RHOT2: variants seen among roughly 807,000 people sequenced by gnomAD.
RHOT2 encodes ras homolog family member T2.
RHOT2 carries 90 observed loss-of-function variants against 81.6 expected under a neutral mutation model. That is an observed-to-expected ratio of 1.10 (90% CI 0.93 to 1.31). The LOEUF (loss-of-function observed/expected upper bound fraction) is 1.31. Among genes scored for constraint, RHOT2 ranks in the 40% most tolerant of loss-of-function variants. The probability of loss-of-function intolerance (pLI) is 0.00; values close to 1 mark genes in which losing one functional copy is unlikely to be tolerated. For synonymous variants in RHOT2, 512 were observed against 370.9 expected, an observed-to-expected ratio of 1.38 and a Z score of -4.37; for missense variants, 1,014 against 841.9, an observed-to-expected ratio of 1.20 and a Z score of -2.53.
At chr16:672,426 G>A (rs752471933) in intron 15 of RHOT2, 42 bp downstream of exon 15, 72 of 1,608,420 alleles carry the variant, frequency 4.5e-5, no homozygotes, top group Non-Finnish European at 5.7e-5. Flanking sequence ...GGGCTCCAGG[G>A]GCAGGGCAGG....
At position 671,688 on chromosome 16, in the gene RHOT2, T is replaced by TC. The variant is rs1418040082; in HGVS notation, c.870-6dup. On this transcript the variant is annotated splice_polypyrimidine_tract_variant and intron_variant, in intron 11 of 18. Coordinates refer to ENST00000315082, the MANE Select transcript of RHOT2 (RefSeq NM_138769.3). ...CCTGGGAGCTAGACGGGCTGTGGCC[T>TC]CCCTGCAGGATCCACGTGCCCCCCG... 3.1e-6 allele frequency: 5 copies of TC among 1,610,278 alleles called. No homozygotes were observed. The highest frequency in any genetic ancestry group is 4.2e-6 in the Non-Finnish European group (5 of 1,178,278).
chr16:670,317 C>T lies in RHOT2; in HGVS notation c.398C>T (p.Pro133Leu). 6.2e-7 allele frequency: 1 copy of T among 1,612,864 alleles called. No homozygotes were observed. The highest frequency in any genetic ancestry group is 8.5e-7 in the Non-Finnish European group (1 of 1,179,964). Residue 133 changes from proline to leucine, a missense_variant, in exon 7 of 19, where the codon CCC becomes CTC. Transcript: ENST00000315082. ...GGGAGCTCCATGGAGGCCGTGCTCC[C>T]CATCATGAGCCAGTTTCCCGAGATT... ...RSGSSMEAVLPIMSQFPEIET... is the reference protein window; with the variant it reads ...RSGSSMEAVLLIMSQFPEIET...
chr16:673,829 G>A lies in RHOT2; in HGVS notation c.*223G>A. On this transcript the variant is annotated 3_prime_UTR_variant, in exon 19 of 19. Coordinates refer to ENST00000315082, the MANE Select transcript of RHOT2 (RefSeq NM_138769.3). ...CCAGGGTGGGCCGTGGCAGGTGGCT[G>A]AGCAGGAGCTCCCAAGTGCCGGCCA... 1 of 642,116 alleles carries A rather than the reference G, an allele frequency of 1.6e-6. No homozygotes were observed. The highest frequency in any genetic ancestry group is 2.7e-6 in the Non-Finnish European group (1 of 368,078). 39.8% of individuals were successfully genotyped at this position (642,116 alleles called of 1,614,324 possible). A position where few individuals can be genotyped will look rare whatever the true frequency, so the allele number is the denominator to read the frequency against.
Position 671,761 on chromosome 16 carries a change from GTGTT to G in RHOT2, c.937_940del (p.Phe313ArgfsTer55), listed in dbSNP as rs1164789334. 1 of 1,612,314 alleles carries G rather than the reference GTGTT, an allele frequency of 6.2e-7. No individual in the cohort carries two copies. The highest frequency in any genetic ancestry group is 1.3e-5 in the African/African-American group (1 of 74,892). ...CCTTGGCTACCAGTTTGTGCAGAGA[GTGTT>G]TGAGAAGCACGACCAGGTGAGAGCA... On this transcript the variant is annotated frameshift_variant, in exon 12 of 19. Coordinates refer to ENST00000315082, the MANE Select transcript of RHOT2 (RefSeq NM_138769.3). LOFTEE classifies it high-confidence loss of function.
At chr16:669,484 T>C in intron 4 of RHOT2, 69 bp from the exon 5 acceptor site, 1 of 1,526,642 alleles carries the variant, frequency 6.6e-7, no homozygotes, top group Non-Finnish European at 9.0e-7. Context: ...CGAGATGGCG[T>C]GGAACGGCCA....
In RHOT2 at chr16:671,009, G is replaced by A. The variant is rs201432970; in HGVS notation, c.748+9G>A. 1.3e-5 allele frequency: 20 copies of A among 1,597,364 alleles called. No homozygotes were observed. Among genetic ancestry groups the A allele is most frequent in the African/African-American group, 8.0e-5 (6 of 74,718 alleles). Reference sequence around the variant, plus strand: ...CCGGCTGACCCTGGATGGTGAGGCCGGGTGCCCGCCTGTGCCTGGGGAGTG... The same window carrying A: ...CCGGCTGACCCTGGATGGTGAGGCCAGGTGCCCGCCTGTGCCTGGGGAGTG... On this transcript the variant is annotated intron_variant, in intron 10 of 18. Transcript: ENST00000315082.
chr16:669,789 G>A, intron 5 of RHOT2, 183 bp downstream of exon 5: 2 of 667,090 alleles, frequency 3.0e-6, no homozygotes, highest in South Asian at 3.5e-5. Flanking sequence ...AGAGGGTCTG[G>A]GGCGTCCCGC....
chr16:673,369 T>C (rs775912126), intron 18 of RHOT2, 111 bp from the exon 19 acceptor site: 210 of 1,519,574 alleles, frequency 1.4e-4, no homozygotes, highest in Non-Finnish European at 1.8e-4. Context: ...GTGCCTCTGG[T>C]CTGGGATCCC....
At chr16:669,406 G>C (rs2038518352) in intron 4 of RHOT2, 147 bp from the exon 5 acceptor site, 10 of 733,920 alleles carry the variant, frequency 1.4e-5, no homozygotes, top group South Asian at 1.3e-4. Flanking sequence ...TTTTAGGGAA[G>C]GCTGGGCTTT....
Position 668,170 on chromosome 16 carries a change from C to G in RHOT2, c.-30C>G. On this transcript the variant is annotated 5_prime_UTR_variant, in exon 1 of 19. Coordinates refer to ENST00000315082, the MANE Select transcript of RHOT2 (RefSeq NM_138769.3). Reference sequence around the variant, plus strand: ...TGAGGACCAGGTCGGGGCCGGGTTCCGGGTCGGGGAGCGGCTCCGGGCGGC... The same window carrying G: ...TGAGGACCAGGTCGGGGCCGGGTTCGGGGTCGGGGAGCGGCTCCGGGCGGC... The G allele has an allele frequency of 2.2e-6, 1 of 451,824 alleles. No homozygotes were observed. The highest frequency in any genetic ancestry group is 3.9e-6 in the Non-Finnish European group (1 of 259,632). The allele number at this position is 451,824 out of a possible 1,614,324, so 28.0% of individuals were successfully genotyped here. A position where few individuals can be genotyped will look rare whatever the true frequency, so the allele number is the denominator to read the frequency against.
rs756686423 is a variant in RHOT2 at position 668,679 on chromosome 16, C to G, written c.202C>G (p.Leu68Val). ...AGAAGCCGAGCAGACGGACGAGGAG[C>G]TGCGGGAGGAGATCCACAAGGTACC... ...YSEAEQTDEE[L>V]REEIHKANVV... The change falls in exon 4 of 19, where the codon CTG becomes GTG. Residue 68 changes from leucine (L) to valine (V), a missense_variant. Leu to Val is a conservative substitution (Grantham distance 32, BLOSUM62 1). Transcript: ENST00000315082. The G allele has an allele frequency of 6.2e-7, 1 of 1,604,450 alleles. No individual in the cohort carries two copies. The highest frequency in any genetic ancestry group is 1.7e-5 in the Admixed American group (1 of 58,950).
chr16:669,127 C>T (rs140426285), intron 4 of RHOT2: 134 of 382,622 alleles, frequency 3.5e-4, no homozygotes, highest in Non-Finnish European at 5.1e-4. Context: ...TGTTGGCACC[C>T]CTCACTGCGG....
chr16:673,354 C>T (rs1290950830), intron 18 of RHOT2, 126 bp from the exon 19 acceptor site: 32 of 1,440,862 alleles, frequency 2.2e-5, no homozygotes, highest in African/African-American at 5.6e-5. Context: ...TGGCCTCCAC[C>T]GGCTGTGCCT....
In RHOT2 at chr16:671,167, A is replaced by C. The variant is rs1459822389; in HGVS notation, c.833A>C (p.Asp278Ala). ...WTILRRFGYSDALELTADYLS... is the reference protein window; with the variant it reads ...WTILRRFGYSAALELTADYLS... ...ATCCTGCGGCGCTTCGGCTACAGCGATGCCCTGGAGCTGACTGCGGACTAT... is the reference window on the plus strand; with the variant it reads ...ATCCTGCGGCGCTTCGGCTACAGCGCTGCCCTGGAGCTGACTGCGGACTAT... Residue 278 changes from aspartate to alanine, a missense_variant, in exon 11 of 19, where the codon GAT becomes GCT. By Grantham distance (126) the Asp-to-Ala change is moderately radical. Coordinates refer to ENST00000315082, the MANE Select transcript of RHOT2 (RefSeq NM_138769.3). 6.3e-7 allele frequency: 1 copy of C among 1,589,336 alleles called. No individual in the cohort carries two copies. The highest frequency in any genetic ancestry group is 1.1e-5 in the South Asian group (1 of 89,020).
intron 11 of RHOT2, 34 bp downstream of exon 11, chr16:671,237 C>T: frequency 6.6e-7 from 1 of 1,519,858 alleles, no homozygotes; most frequent in East Asian, 2.3e-5. Flanking sequence ...CCTGCCCTCC[C>T]CGAGGGTCAG....
intron 9 of RHOT2, 56 bp from the exon 10 acceptor site, chr16:670,836 G>C: frequency 6.3e-7 from 1 of 1,596,138 alleles, no homozygotes; most frequent in Non-Finnish European, 8.6e-7. Context: ...TTAGTGACTG[G>C]AACGGGTCGT....
In RHOT2 at chr16:673,042, C is replaced by T; in HGVS notation, c.1642C>T (p.Leu548=). The change falls in exon 18 of 19, where the codon CTA becomes TTA. Residue 548 remains leucine, a synonymous_variant. Transcript: ENST00000315082. The part of the protein sequence containing the change: ...SPAEFCRKHR[L]PAPVPFSCAG... ...GGCCGAGTTTTGCCGCAAGCACCGGCTACCCGCTCCCGTGCCGTTCTCCTG... is the reference window on the plus strand; with the variant it reads ...GGCCGAGTTTTGCCGCAAGCACCGGTTACCCGCTCCCGTGCCGTTCTCCTG... 2.5e-6 allele frequency: 4 copies of T among 1,612,186 alleles called. No homozygotes were observed. The highest frequency in any genetic ancestry group is 3.4e-6 in the Non-Finnish European group (4 of 1,179,958).
rs1417489028 is a variant in RHOT2, at chr16:674,169, C to T, written c.*563C>T. 1 of 208,680 alleles carries T rather than the reference C, an allele frequency of 4.8e-6. No homozygotes were observed. Among genetic ancestry groups the T allele is most frequent in the Non-Finnish European group, 9.9e-6 (1 of 100,520 alleles). 12.9% of individuals were successfully genotyped at this position (208,680 alleles called of 1,614,324 possible). On this transcript the variant is annotated 3_prime_UTR_variant, in exon 19 of 19. Transcript: ENST00000315082. ...TGAAGACAACTTGCTTTGATTCAAC[C>T]TAGAATGTGTTGTTTGTCTTTATGT...
chr16:669,520 CCT>C (rs2038541325), intron 4 of RHOT2, 31 bp from the exon 5 acceptor site: 1 of 1,607,894 alleles, frequency 6.2e-7, no homozygotes, highest in African/African-American at 1.3e-5. Context: ...AGCCAGCAGC[CCT>C]GTCACCCACA....
Sources: allele counts gnomAD v4.1 joint callset, GRCh38; gene constraint gnomAD v4.1.1; transcripts MANE v1.5; gene names NCBI Gene and HGNC (gene_info 2026-07-23, HGNC 2026-07-21).